CD47: variants seen among roughly 807,000 people sequenced by gnomAD.
The protein encoded by CD47 is leukocyte surface antigen CD47.
A neutral mutation model predicts 44.6 loss-of-function variants in CD47; 11 were observed. The ratio of observed to expected loss-of-function variants is 0.25; its 90% CI spans 0.16 to 0.41. The LOEUF is 0.41. CD47 is among the 10% of genes least tolerant of loss of function. CD47 has a pLI of 1.00. For missense variants in CD47, 306 were observed against 386.7 expected (o/e 0.79, Z 1.75); for synonymous variants, 140 against 136.3 (o/e 1.03, Z -0.19).
At position 108,070,964 on chromosome 3, in the gene CD47, A is replaced by C. The variant is rs1577005418; in HGVS notation, c.490+129T>G. ...TACTTCAAGGAGACTAGTAGTATTC[A>C]AATTACATACTCATATTTATCATAA... On this transcript the variant is annotated intron_variant, in intron 3 of 10. Transcript: ENST00000361309. The C allele has an allele frequency of 2.0e-5, 11 of 543,202 alleles. No homozygotes were observed. In the East Asian group the frequency reaches 3.5e-4, roughly 17 times the overall value. 33.6% of individuals were successfully genotyped at this position (543,202 alleles called of 1,614,324 possible).
chr3:108,080,673 T>C (rs1391528143), intron 1 of CD47, among the ~76,000 whole-genome samples: 2 of 151,914 alleles, frequency 1.3e-5, no homozygotes, highest in Non-Finnish European at 2.9e-5. Context: ...GAAGTAATCA[T>C]TACTGCCTAC....
At chr3:108,059,969 T>C (rs74885884) in intron 4 of CD47, among the ~76,000 whole-genome samples, 1 of 152,182 alleles carries the variant, frequency 6.6e-6, no homozygotes, top group Non-Finnish European at 1.5e-5. Flanking sequence ...ATATTACACC[T>C]GCACTGCATT....
intron 3 of CD47, among the ~76,000 whole-genome samples, chr3:108,062,666 AG>A (rs1408897583): frequency 6.9e-6 from 1 of 145,528 alleles, no homozygotes; most frequent in Non-Finnish European, 1.5e-5. Context: ...TTGGAGACAG[AG>A]TCTCTCACTC....
At chr3:108,058,279 G>A in intron 6 of CD47, 58 bp downstream of exon 6, 6 of 917,156 alleles carry the variant, frequency 6.5e-6, no homozygotes, top group East Asian at 3.1e-5. Context: ...AAAGAAAAAG[G>A]AAGAAGAGCT....
At chr3:108,058,784 T>A (rs1376654173) in intron 5 of CD47, among the ~76,000 whole-genome samples, 1 of 152,206 alleles carries the variant, frequency 6.6e-6, no homozygotes, top group African/African-American at 2.4e-5. Context: ...GAGGGAACCA[T>A]TATGCAAATA....
intron 2 of CD47, among the ~76,000 whole-genome samples, chr3:108,072,707 T>C (rs970169866): frequency 2.6e-5 from 4 of 152,202 alleles, no homozygotes; most frequent in Non-Finnish European, 5.9e-5. Context: ...CCTAAAACCC[T>C]ACCAGGAAAA....
intron 10 of CD47, 84 bp downstream of exon 10, chr3:108,049,535 G>T: frequency 1.2e-6 from 1 of 825,232 alleles, no homozygotes; most frequent in African/African-American, 1.7e-5. Context: ...TACTAAAAAA[G>T]AGCCACATTT....
intron 3 of CD47, among the ~76,000 whole-genome samples, chr3:108,061,118 G>C (rs140550852): frequency 6.6e-6 from 1 of 150,924 alleles, no homozygotes; most frequent in Non-Finnish European, 1.5e-5. Context: ...AGTCTTTCTC[G>C]GTTGATGTAT....
chr3:108,048,759 A>T (rs1455791133), intron 10 of CD47, among the ~76,000 whole-genome samples: 1 of 152,196 alleles, frequency 6.6e-6, no homozygotes, highest in Admixed American at 6.5e-5. Flanking sequence ...TAAATGCTGC[A>T]CTTTGCTACA....
intron 1 of CD47, among the ~76,000 whole-genome samples, chr3:108,082,706 C>T (rs1007384817): frequency 1.3e-5 from 2 of 151,860 alleles, no homozygotes; most frequent in East Asian, 3.8e-4. Context: ...GTGAACAATC[C>T]ACCATTTCAT....
intron 3 of CD47, among the ~76,000 whole-genome samples, chr3:108,069,220 G>C (rs979272452): frequency 2.0e-5 from 3 of 152,082 alleles, no homozygotes; most frequent in African/African-American, 7.2e-5. Context: ...CTTTAGCAGA[G>C]TTATTTTCAT....
chr3:108,049,500 C>A (rs1315071225), intron 10 of CD47, 119 bp downstream of exon 10: 1 of 714,834 alleles, frequency 1.4e-6, no homozygotes, highest in Non-Finnish European at 2.5e-6. Flanking sequence ...AAATGTGAAC[C>A]TTTATCATCT....
At chr3:108,062,732 T>A (rs373264258) in intron 3 of CD47, among the ~76,000 whole-genome samples, 204 of 150,556 alleles carry the variant, frequency 1.4e-3, no homozygotes, top group South Asian at 0.013. Flanking sequence ...AAACTCTGCC[T>A]CCCAGGTTCA....
At chr3:108,088,405 A>G (rs1429880370) in intron 1 of CD47, among the ~76,000 whole-genome samples, 1 of 152,230 alleles carries the variant, frequency 6.6e-6, no homozygotes, top group Non-Finnish European at 1.5e-5. Context: ...TCCTAATGGT[A>G]GGCATTTAGT....
At chr3:108,069,194 A>T (rs77685169) in intron 3 of CD47, among the ~76,000 whole-genome samples, 5,824 of 152,254 alleles carry the variant, frequency 0.038, 132 homozygotes, top group African/African-American at 0.066. Flanking sequence ...ATCTCTGCCA[A>T]TTCCAGGCTT....
At chr3:108,066,735 T>C (rs940938090) in intron 3 of CD47, among the ~76,000 whole-genome samples, 11 of 152,098 alleles carry the variant, frequency 7.2e-5, no homozygotes, top group African/African-American at 2.7e-4. Flanking sequence ...AGACCATAAA[T>C]GGAGTAAGAG....
rs1250079162 is a variant in CD47 at position 108,047,130 on chromosome 3, T to C, written c.*158A>G. ...ATTACAGCTGCTTTGAATAAAAACT[T>C]AACTAACAATCACGTAAGGGTCTCA... is the stretch of plus-strand genomic sequence containing the variant. On this transcript the variant is annotated 3_prime_UTR_variant, in exon 11 of 11. Coordinates refer to ENST00000361309, the MANE Select transcript of CD47 (RefSeq NM_001777.4). 2.1e-6 allele frequency: 1 copy of C among 467,842 alleles called. No individual in the cohort carries two copies. The highest frequency in any genetic ancestry group is 3.8e-6 in the Non-Finnish European group (1 of 260,058). 29.0% of individuals were successfully genotyped at this position (467,842 alleles called of 1,614,324 possible). A position where few individuals can be genotyped will look rare whatever the true frequency, so the allele number is the denominator to read the frequency against.
intron 2 of CD47, among the ~76,000 whole-genome samples, chr3:108,071,958 T>C: frequency 6.6e-6 from 1 of 152,202 alleles, no homozygotes; most frequent in South Asian, 2.1e-4. Context: ...ATGAGTGGCT[T>C]TAGGATATTA....
At chr3:108,070,797 GAAT>G (rs2079186360) in intron 3 of CD47, among the ~76,000 whole-genome samples, 1 of 152,096 alleles carries the variant, frequency 6.6e-6, no homozygotes, top group South Asian at 2.1e-4. Flanking sequence ...GATGTTCTGT[GAAT>G]ATTAAAATGT....
Sources: allele counts gnomAD v4.1 joint callset (sites outside exome capture counted in the v4.1 genomes callset), GRCh38; gene constraint gnomAD v4.1.1; transcripts MANE v1.5; gene names NCBI Gene and HGNC (gene_info 2026-07-23, HGNC 2026-07-21).